N4BP2: variants seen among roughly 807,000 people sequenced by gnomAD.
The protein encoded by N4BP2 is NEDD4-binding protein 2.
Under a neutral mutation model 152.8 loss-of-function variants are expected in N4BP2, and 91 were observed. That is an observed-to-expected ratio of 0.60 (90% CI 0.50 to 0.71). The LOEUF (loss-of-function observed/expected upper bound fraction) is 0.71, where lower values mean the gene tolerates loss of function less well. N4BP2 is among the 30% of genes least tolerant of loss of function. The pLI, the probability that N4BP2 is intolerant of heterozygous loss-of-function variation, is 0.00. For missense variants in N4BP2, 1,923 were observed against 2,059.1 expected (o/e 0.93, Z 1.28); for synonymous variants, 646 against 705.3 (o/e 0.92, Z 1.33).
At chr4:40,150,229 C>T (rs182327663) in intron 16 of N4BP2, among the ~76,000 whole-genome samples, 26 of 152,318 alleles carry the variant, frequency 1.7e-4, no homozygotes, top group African/African-American at 6.0e-4. Flanking sequence ...TACACTGCTA[C>T]GTACGAATCA....
At chr4:40,088,731 C>T (rs1056020777) in intron 2 of N4BP2, among the ~76,000 whole-genome samples, 2 of 152,098 alleles carry the variant, frequency 1.3e-5, no homozygotes, top group African/African-American at 2.4e-5. Flanking sequence ...AATTCCTGAC[C>T]TCAGTTGATC....
intron 1 of N4BP2, among the ~76,000 whole-genome samples, chr4:40,072,396 C>T (rs1712294020): frequency 6.6e-6 from 1 of 151,870 alleles, no homozygotes; most frequent in Admixed American, 6.6e-5. Context: ...TAGGCACGTG[C>T]CACCATGCCC....
At position 40,123,157 on chromosome 4, in the gene N4BP2, A is replaced by G. The variant is rs765740049; in HGVS notation, c.4229A>G (p.His1410Arg). Reference sequence around the variant, plus strand: ...CTAACAGTTGAAGATTGTGTGGTTCATATAGATCTGAATCTGGCGAAAGTG... The same window carrying G: ...CTAACAGTTGAAGATTGTGTGGTTCGTATAGATCTGAATCTGGCGAAAGTG... Reference protein sequence around the residue: ...GSLTVEDCVVHIDLNLAKVIH... With the variant: ...GSLTVEDCVVRIDLNLAKVIH... Residue 1410 changes from histidine to arginine, a missense_variant, in exon 10 of 18, where the codon CAT becomes CGT. Transcript: ENST00000261435. 1.9e-6 allele frequency: 3 copies of G among 1,612,908 alleles called. No homozygotes were observed. The highest frequency in any genetic ancestry group is 1.1e-5 in the South Asian group (1 of 91,004).
intron 5 of N4BP2, among the ~76,000 whole-genome samples, chr4:40,108,452 A>T (rs779351999): frequency 6.6e-6 from 1 of 151,628 alleles, no homozygotes; most frequent in Non-Finnish European, 1.5e-5. Flanking sequence ...AGTAGCTGGG[A>T]TTACAGGCAC....
chr4:40,112,286 G>A (rs573104464), intron 6 of N4BP2, 114 bp downstream of exon 6: 5 of 637,312 alleles, frequency 7.8e-6, no homozygotes, highest in South Asian at 6.6e-5. Context: ...TGGATAGTCT[G>A]TAAATGAGCT....
chr4:40,127,764 C>T (rs1340382924), intron 12 of N4BP2, among the ~76,000 whole-genome samples: 1 of 152,024 alleles, frequency 6.6e-6, no homozygotes, highest in Non-Finnish European at 1.5e-5. Context: ...GGGTTCATGC[C>T]ATTCTCCTGC....
chr4:40,128,065 T>A (rs75980259), intron 12 of N4BP2, among the ~76,000 whole-genome samples: 9,784 of 152,314 alleles, frequency 0.064, 396 homozygotes, highest in Non-Finnish European at 0.085. Flanking sequence ...TTATTTTTGG[T>A]CTTTATTTCA....
At chr4:40,187,349 T>C in the N4BP2 span, among the ~76,000 whole-genome samples, 1 of 149,052 alleles carries the variant, frequency 6.7e-6, no homozygotes, top group East Asian at 2.0e-4. Flanking sequence ...TCTGGACATT[T>C]GTGCAAAAAA....
In N4BP2 at chr4:40,156,150, A is replaced by G. The variant is rs956604820; in HGVS notation, c.*1913A>G. On this transcript the variant is annotated 3_prime_UTR_variant, in exon 18 of 18. Transcript: ENST00000261435. ...TTAGTATGATTTAAGGGTATGAAAAACAGTGCTAAAATGTGGAGTTAATTG... is the reference window on the plus strand; with the variant it reads ...TTAGTATGATTTAAGGGTATGAAAAGCAGTGCTAAAATGTGGAGTTAATTG... 2 of 152,208 alleles carry G rather than the reference A, an allele frequency of 1.3e-5. No homozygotes were observed. The highest frequency in any genetic ancestry group is 4.8e-5 in the African/African-American group (2 of 41,456). The allele number at this position is 152,208 out of a possible 1,614,324, so 9.4% of individuals were successfully genotyped here.
downstream of N4BP2, among the ~76,000 whole-genome samples, chr4:40,160,447 C>T (rs1036857823): frequency 2.0e-5 from 3 of 152,168 alleles, no homozygotes; most frequent in African/African-American, 7.2e-5. Context: ...CAATACTCGC[C>T]TGTGATGTTG....
chr4:40,075,437 C>T (rs770034944), intron 2 of N4BP2, among the ~76,000 whole-genome samples: 10 of 152,122 alleles, frequency 6.6e-5, no homozygotes, highest in African/African-American at 2.4e-4. Context: ...CTCACTCTGT[C>T]GCCTAGGCTG....
Position 40,120,458 on chromosome 4 carries a change from G to A in N4BP2, c.2347G>A (p.Glu783Lys). The A allele has an allele frequency of 6.2e-7, 1 of 1,613,806 alleles. No homozygotes were observed. The highest frequency in any genetic ancestry group is 8.5e-7 in the Non-Finnish European group (1 of 1,180,000). The change falls in exon 9 of 18, where the codon GAG becomes AAG. Residue 783 changes from glutamate to lysine, a missense_variant. By Grantham distance (56) the Glu-to-Lys change is moderately conservative. Transcript: ENST00000261435. ...GACTTTGGAAAAGTTCCCAAGACATGAGCTATCAAATTTTGTTGGTGACTG... is the reference window on the plus strand; with the variant it reads ...GACTTTGGAAAAGTTCCCAAGACATAAGCTATCAAATTTTGTTGGTGACTG... ...KSTLEKFPRH[E>K]LSNFVGDWPV...
intron 15 of N4BP2, 149 bp downstream of exon 15, chr4:40,143,010 A>C: frequency 4.6e-6 from 3 of 657,170 alleles, no homozygotes; most frequent in Non-Finnish European, 7.8e-6. Context: ...ATCCTAAGAA[A>C]TGTATGGTTC....
At chr4:40,081,874 A>G (rs1217965581) in intron 2 of N4BP2, among the ~76,000 whole-genome samples, 2 of 152,106 alleles carry the variant, frequency 1.3e-5, no homozygotes, top group Non-Finnish European at 2.9e-5. Context: ...GCACTTTGAG[A>G]GGCCAAGGTG....
At position 40,063,677 on chromosome 4, in the gene N4BP2, C is replaced by A. The variant is rs148445684; in HGVS notation, c.-212+6647C>A. Among the ~76,000 whole-genome samples the A allele has an allele frequency of 5.9e-3, 890 of 151,986 alleles. 6 individuals are homozygous for A. Among genetic ancestry groups the A allele is most frequent in the African/African-American group, 0.02 (847 of 41,456 alleles). ...AATTTTTTTGAGACGGAGTTTTGCT[C>A]TTGTTGCCCAGGCTGGAGTGCAATG... On this transcript the variant is annotated intron_variant, in intron 1 of 17. Transcript: ENST00000261435.
At chr4:40,091,078 T>A (rs1714496448) in intron 2 of N4BP2, among the ~76,000 whole-genome samples, 2 of 151,268 alleles carry the variant, frequency 1.3e-5, no homozygotes, top group Non-Finnish European at 2.9e-5. Flanking sequence ...TTTGCTAGTA[T>A]GTATAAATAC....
At chr4:40,076,978 C>T (rs560962845) in intron 2 of N4BP2, among the ~76,000 whole-genome samples, 10 of 152,108 alleles carry the variant, frequency 6.6e-5, no homozygotes, top group Middle Eastern at 6.8e-3. Flanking sequence ...TGGGAACATG[C>T]TATGTTTGGG....
At chr4:40,103,241 TA>T (rs755611223) in intron 4 of N4BP2, 23 bp downstream of exon 4, 1 of 1,555,570 alleles carries the variant, frequency 6.4e-7, no homozygotes, top group African/African-American at 1.4e-5. Flanking sequence ...ATTGGGTTTT[TA>T]AAAAATAGTA....
At chr4:40,112,304 G>T in intron 6 of N4BP2, 132 bp downstream of exon 6, 1 of 571,320 alleles carries the variant, frequency 1.8e-6, no homozygotes, top group Non-Finnish European at 3.1e-6. Flanking sequence ...GCTTTCATTG[G>T]TGTTCAGCAA....
Sources: gnomAD v4.1 joint callset for allele counts (sites outside exome capture counted in the v4.1 genomes callset) on GRCh38, gnomAD v4.1.1 for gene constraint, MANE v1.5 for transcripts, NCBI Gene and HGNC (gene_info 2026-07-23, HGNC 2026-07-21) for gene names.